Variants in DSCAM observed in about 807,000 individuals in gnomAD.
DSCAM encodes the protein DS cell adhesion molecule, also known as cell adhesion molecule DSCAM.
DSCAM carries 47 observed loss-of-function variants against 217.7 expected under a neutral mutation model. That is an observed-to-expected ratio of 0.22 (90% CI 0.17 to 0.28). The LOEUF (loss-of-function observed/expected upper bound fraction) is 0.28. Ranked by LOEUF, DSCAM falls within the 10% of genes least tolerant of loss-of-function variation. The probability of loss-of-function intolerance (pLI) is 1.00; values close to 1 mark genes in which losing one functional copy is unlikely to be tolerated. For missense variants in DSCAM, 2,080 were observed against 2,618.3 expected (o/e 0.79, Z 4.49); for synonymous variants, 1,056 against 1,015.3 (o/e 1.04, Z -0.76).
intron 3 of DSCAM, among the ~76,000 whole-genome samples, chr21:40,621,578 G>GACC (rs1160964151): frequency 2.0e-5 from 3 of 148,456 alleles, no homozygotes; most frequent in Non-Finnish European, 4.4e-5. Flanking sequence ...TCTGCTTGGG[G>GACC]ACCAGATGGG....
At chr21:40,067,508 C>G (rs980702607) in intron 27 of DSCAM, among the ~76,000 whole-genome samples, 3 of 152,038 alleles carry the variant, frequency 2.0e-5, no homozygotes, top group Non-Finnish European at 2.9e-5. Context: ...TGAAACAGCA[C>G]AGCATTTATT....
chr21:40,706,704 T>C (rs1456979002), intron 2 of DSCAM, among the ~76,000 whole-genome samples: 2 of 152,200 alleles, frequency 1.3e-5, no homozygotes, highest in Non-Finnish European at 2.9e-5. Context: ...TGAACAAGCT[T>C]CCAGTTCTGT....
chr21:40,039,216 C>A (rs1159489158), intron 32 of DSCAM, among the ~76,000 whole-genome samples: 3 of 151,344 alleles, frequency 2.0e-5, no homozygotes, highest in Non-Finnish European at 2.9e-5. Flanking sequence ...AAACTAAAGT[C>A]TAACAGGGGA....
chr21:40,733,363 A>T (rs904650414), intron 1 of DSCAM, among the ~76,000 whole-genome samples: 1 of 152,232 alleles, frequency 6.6e-6, no homozygotes, highest in African/African-American at 2.4e-5. Context: ...GAGACCTCAC[A>T]TTGGAGAAGC....
In DSCAM at chr21:40,812,069, G is replaced by C. The variant is rs2091844685; in HGVS notation, c.43+34550C>G. ...CAATAGATCAGGAGAAGGCATAGAGGTTTACAGGGAAAATACCAGTGAGTA... is the reference window on the plus strand; with the variant it reads ...CAATAGATCAGGAGAAGGCATAGAGCTTTACAGGGAAAATACCAGTGAGTA... On this transcript the variant is annotated intron_variant, in intron 1 of 32. Transcript: ENST00000400454. 2.0e-5 allele frequency among the ~76,000 whole-genome samples: 3 copies of C among 152,196 alleles called. No individual in the cohort carries two copies. In the South Asian group the frequency reaches 6.2e-4, roughly 32 times the overall value.
At chr21:40,642,001 T>C (rs2089886487) in intron 3 of DSCAM, among the ~76,000 whole-genome samples, 1 of 147,340 alleles carries the variant, frequency 6.8e-6, no homozygotes, top group Non-Finnish European at 1.5e-5. Context: ...TGAGCTGAGA[T>C]TGCGCCATTG....
chr21:40,557,076 C>T (rs1253938477), intron 3 of DSCAM, among the ~76,000 whole-genome samples: 3 of 152,028 alleles, frequency 2.0e-5, no homozygotes, highest in East Asian at 1.9e-4. Context: ...TGGACCTGCA[C>T]GGTTCAAACC....
chr21:40,330,280 T>C (rs1409569219), intron 8 of DSCAM, among the ~76,000 whole-genome samples: 1 of 147,130 alleles, frequency 6.8e-6, no homozygotes, highest in East Asian at 1.9e-4. Context: ...AAAATATATT[T>C]ATTATATTAT....
At chr21:40,404,184 G>A (rs1015891615) in intron 3 of DSCAM, among the ~76,000 whole-genome samples, 7 of 152,080 alleles carry the variant, frequency 4.6e-5, no homozygotes, top group Admixed American at 3.9e-4. Context: ...CTCAATAAAG[G>A]TTAACTTCAA....
intron 3 of DSCAM, among the ~76,000 whole-genome samples, chr21:40,682,208 T>C (rs2090409399): frequency 6.6e-6 from 1 of 151,582 alleles, no homozygotes; most frequent in East Asian, 1.9e-4. Context: ...GGGGAGTGAA[T>C]AAGCAGGACC....
At chr21:40,212,883 C>T (rs572262870) in intron 11 of DSCAM, among the ~76,000 whole-genome samples, 1 of 152,230 alleles carries the variant, frequency 6.6e-6, no homozygotes, top group Admixed American at 6.5e-5. Flanking sequence ...GGCACAGAGA[C>T]ACAAAAAAGA....
intron 32 of DSCAM, among the ~76,000 whole-genome samples, chr21:40,022,090 A>G (rs979263271): frequency 3.3e-5 from 5 of 152,230 alleles, no homozygotes; most frequent in Admixed American, 6.5e-5. Context: ...TGTGCATTCC[A>G]TTAATCCATC....
At chr21:40,197,539 T>C (rs1030267227) in intron 11 of DSCAM, among the ~76,000 whole-genome samples, 7 of 152,226 alleles carry the variant, frequency 4.6e-5, no homozygotes, top group African/African-American at 1.7e-4. Context: ...TTAGTAAGTT[T>C]ATTAAAAAAT....
intron 3 of DSCAM, among the ~76,000 whole-genome samples, chr21:40,569,805 CCTA>C (rs1328930573): frequency 6.6e-6 from 1 of 152,010 alleles, no homozygotes; most frequent in Non-Finnish European, 1.5e-5. Context: ...TGGAGTTTTT[CCTA>C]CTTATTTTTT....
chr21:40,234,162 A>C (rs56202804), intron 11 of DSCAM, among the ~76,000 whole-genome samples: 4,580 of 152,210 alleles, frequency 0.03, 161 homozygotes, highest in African/African-American at 0.082. Context: ...TTTTCACTTT[A>C]CTCTTGAGGC....
chr21:40,742,149 T>G (rs1431288817), intron 1 of DSCAM, among the ~76,000 whole-genome samples: 4 of 152,174 alleles, frequency 2.6e-5, no homozygotes, highest in Non-Finnish European at 4.4e-5. Flanking sequence ...ATGGAGAATA[T>G]ATAATTCCAA....
At chr21:40,474,474 C>T (rs1250897618) in intron 3 of DSCAM, among the ~76,000 whole-genome samples, 1 of 151,830 alleles carries the variant, frequency 6.6e-6, no homozygotes, top group African/African-American at 2.4e-5. Flanking sequence ...TTTCTTTGTC[C>T]ATCCAGAATC....
intron 1 of DSCAM, among the ~76,000 whole-genome samples, chr21:40,819,274 A>G (rs1363477363): frequency 6.6e-6 from 1 of 152,246 alleles, no homozygotes; most frequent in Middle Eastern, 3.2e-3. Context: ...TTAACATTTT[A>G]CCGTAATTGA....
chr21:40,233,576 C>T (rs902376473), intron 11 of DSCAM, among the ~76,000 whole-genome samples: 7 of 152,064 alleles, frequency 4.6e-5, no homozygotes, highest in Non-Finnish European at 8.8e-5. Flanking sequence ...GACTTTTTGC[C>T]CCTATGTCCA....
Sources: allele counts gnomAD v4.1 joint callset (sites outside exome capture counted in the v4.1 genomes callset), GRCh38; gene constraint gnomAD v4.1.1; transcripts MANE v1.5; gene names NCBI Gene and HGNC (gene_info 2026-07-23, HGNC 2026-07-21).